IREB2: variants seen among roughly 807,000 people sequenced by gnomAD.
The protein encoded by IREB2 is iron responsive element binding protein 2.
A neutral mutation model predicts 118.8 loss-of-function variants in IREB2; 39 were observed. That is an observed-to-expected ratio of 0.33 (90% confidence interval 0.25 to 0.43). The LOEUF (loss-of-function observed/expected upper bound fraction) is 0.43. IREB2 is among the 20% of genes least tolerant of loss of function. The probability of loss-of-function intolerance (pLI) is 1.00; values close to 1 mark genes in which losing one functional copy is unlikely to be tolerated. For missense variants in IREB2, 900 were observed against 1,147.3 expected, an observed-to-expected ratio of 0.78 and a Z score of 3.11; for synonymous variants, 372 against 392.2, an observed-to-expected ratio of 0.95 and a Z score of 0.61.
intron 2 of IREB2, among the ~76,000 whole-genome samples, chr15:78,444,408 A>G (rs1478177330): frequency 6.6e-6 from 1 of 152,148 alleles, no homozygotes; most frequent in African/African-American, 2.4e-5. Flanking sequence ...TTGAGAGAGT[A>G]CCTGTTACTG....
At chr15:78,490,934 G>A (rs979912835) in intron 18 of IREB2, among the ~76,000 whole-genome samples, 173 bp downstream of exon 18, 1 of 151,828 alleles carries the variant, frequency 6.6e-6, no homozygotes, top group Non-Finnish European at 1.5e-5. Flanking sequence ...GGAGGCGGGG[G>A]GTACCTTCTG....
At chr15:78,449,653 C>T (rs747223225) in intron 2 of IREB2, among the ~76,000 whole-genome samples, 25 of 152,166 alleles carry the variant, frequency 1.6e-4, no homozygotes, top group Admixed American at 2.6e-4. Context: ...AGACATGAAA[C>T]AGAGTTTGTG....
chr15:78,467,290 A>G (rs752057716), intron 5 of IREB2, among the ~76,000 whole-genome samples: 1 of 152,118 alleles, frequency 6.6e-6, no homozygotes, highest in Non-Finnish European at 1.5e-5. Flanking sequence ...CCTTCTAAAT[A>G]AGTGATTTCC....
At position 78,488,274 on chromosome 15, in the gene IREB2, C is replaced by T; in HGVS notation, c.1889C>T (p.Pro630Leu). 1 of 1,610,990 alleles carries T rather than the reference C, an allele frequency of 6.2e-7. No individual in the cohort carries two copies. The highest frequency in any genetic ancestry group is 8.5e-7 in the Non-Finnish European group (1 of 1,179,032). Reference sequence around the variant, plus strand: ...CGTGCCAATTATCTTGCCTCTCCACCCTTAGTGGTAGCTTATGCCATAGCA... The same window carrying T: ...CGTGCCAATTATCTTGCCTCTCCACTCTTAGTGGTAGCTTATGCCATAGCA... The part of the protein sequence containing the change: ...CVRANYLASP[P>L]LVVAYAIAGT... The change falls in exon 15 of 22, where the codon CCC becomes CTC. Residue 630 changes from proline (P) to leucine (L), a missense_variant. Coordinates refer to ENST00000258886, the MANE Select transcript of IREB2 (RefSeq NM_004136.4).
intron 11 of IREB2, 127 bp downstream of exon 11, chr15:78,483,561 C>T: frequency 1.7e-6 from 1 of 581,628 alleles, no homozygotes; most frequent in Non-Finnish European, 3.1e-6. Flanking sequence ...ACCAGCAGCC[C>T]CCTTATTTTC....
chr15:78,448,069 C>A (rs946458579), intron 2 of IREB2, among the ~76,000 whole-genome samples: 1 of 152,238 alleles, frequency 6.6e-6, no homozygotes, highest in African/African-American at 2.4e-5. Context: ...GGTGAAAAAA[C>A]AAAATCTTAT....
chr15:78,468,958 T>C (rs1016253952), intron 5 of IREB2, among the ~76,000 whole-genome samples: 2 of 152,228 alleles, frequency 1.3e-5, no homozygotes, highest in African/African-American at 4.8e-5. Context: ...TTCAAAATCA[T>C]TGATTTCTTT....
chr15:78,466,341 G>T lies in IREB2; in HGVS notation c.481G>T (p.Val161Leu), dbSNP rs768166337. 1 of 1,614,036 alleles carries T rather than the reference G, an allele frequency of 6.2e-7. No individual in the cohort carries two copies. The highest frequency in any genetic ancestry group is 2.2e-5 in the East Asian group (1 of 44,876). Residue 161 changes from valine (V) to leucine (L), a missense_variant, in exon 5 of 22, where the codon GTG becomes TTG. Coordinates refer to ENST00000258886, the MANE Select transcript of IREB2 (RefSeq NM_004136.4). ...AGCAGGAAAGCTCTCTCCACTTAAAGTGCAGCCTAAGAAGCTTCCCTGCAG... is the reference window on the plus strand; with the variant it reads ...AGCAGGAAAGCTCTCTCCACTTAAATTGCAGCCTAAGAAGCTTCCCTGCAG... ...QKAGKLSPLK[V>L]QPKKLPCRGQ...
intron 10 of IREB2, among the ~76,000 whole-genome samples, chr15:78,481,376 T>C (rs533735334): frequency 2.6e-5 from 4 of 151,894 alleles, no homozygotes; most frequent in Admixed American, 2.0e-4. Flanking sequence ...CTTTTTTTTT[T>C]GAGAGAATCT....
intron 3 of IREB2, among the ~76,000 whole-genome samples, chr15:78,464,482 A>C (rs2051248174): frequency 6.6e-6 from 1 of 152,228 alleles, no homozygotes; most frequent in African/African-American, 2.4e-5. Context: ...CCGCATAAGA[A>C]ATAAATGATA....
chr15:78,477,633 A>G (rs2051494124), intron 9 of IREB2, among the ~76,000 whole-genome samples: 1 of 152,174 alleles, frequency 6.6e-6, no homozygotes, highest in Non-Finnish European at 1.5e-5. Flanking sequence ...AAAATTCCTT[A>G]CTGAGGCCAG....
At chr15:78,470,383 A>G in intron 5 of IREB2, 149 bp from the exon 6 acceptor site, 1 of 493,370 alleles carries the variant, frequency 2.0e-6, no homozygotes, top group East Asian at 3.0e-5. Flanking sequence ...GAAAAAGAAA[A>G]TAATTCTGAG....
At chr15:78,468,502 G>A (rs555887238) in intron 5 of IREB2, among the ~76,000 whole-genome samples, 34 of 149,900 alleles carry the variant, frequency 2.3e-4, no homozygotes, top group Middle Eastern at 3.5e-3. Context: ...CCTTGGCCTC[G>A]CAAAGTGCTG....
intron 18 of IREB2, among the ~76,000 whole-genome samples, chr15:78,493,382 G>A (rs148322954): frequency 3.4e-4 from 52 of 152,120 alleles, no homozygotes; most frequent in African/African-American, 1.3e-3. Flanking sequence ...TGCATCCTGT[G>A]AATAATATAT....
chr15:78,442,259 TTTC>T (rs1567160227), intron 2 of IREB2, among the ~76,000 whole-genome samples: 2 of 152,140 alleles, frequency 1.3e-5, no homozygotes, highest in Non-Finnish European at 2.9e-5. Context: ...ACTTAAGTAA[TTTC>T]CTAATAAGGA....
chr15:78,493,931 T>C lies in IREB2; in HGVS notation c.2347T>C (p.Ser783Pro), dbSNP rs1416269020. ...TAGCCTTACCCCTCGTGAATTCAAC[T>C]CTTACGGAGCTCGAAGAGGTAATGA... is the stretch of plus-strand genomic sequence containing the variant. ...NRGLTPREFN[S>P]YGARRGNDAV... Residue 783 changes from serine to proline, a missense_variant, in exon 19 of 22, where the codon TCT (serine) becomes CCT (proline). By Grantham distance (74) the Ser-to-Pro change is moderately conservative. Coordinates refer to ENST00000258886, the MANE Select transcript of IREB2 (RefSeq NM_004136.4). 1 of 1,613,762 alleles carries C rather than the reference T, an allele frequency of 6.2e-7. No individual in the cohort carries two copies. The highest frequency in any genetic ancestry group is 8.5e-7 in the Non-Finnish European group (1 of 1,179,908).
rs1236788596 is a variant in IREB2 at position 78,463,021 on chromosome 15, G to A, written c.206G>A (p.Trp69Ter). ...GAAGATGTTATGAACATTTTAGACT[G>A]GAAAACCAAACAAAGCAATGTTGAA... ...KKEDVMNILD[W>*]KTKQSNVEVP... The change falls in exon 3 of 22, where the codon TGG becomes TAG. Residue 69 changes from tryptophan (W) to a stop codon, truncating the protein, a stop_gained. Transcript: ENST00000258886. LOFTEE classifies it high-confidence loss of function. 2 of 1,612,948 alleles carry A rather than the reference G, an allele frequency of 1.2e-6. No individual in the cohort carries two copies. The highest frequency in any genetic ancestry group is 8.5e-7 in the Non-Finnish European group (1 of 1,179,700).
At chr15:78,452,071 A>C (rs929364784) in intron 2 of IREB2, among the ~76,000 whole-genome samples, 1 of 152,208 alleles carries the variant, frequency 6.6e-6, no homozygotes, top group South Asian at 2.1e-4. Flanking sequence ...CGAAAATCAC[A>C]GTATAGGGTT....
At chr15:78,466,165 T>TCA (rs2051278026) in intron 4 of IREB2, 106 bp from the exon 5 acceptor site, 2 of 642,098 alleles carry the variant, frequency 3.1e-6, no homozygotes, top group Non-Finnish European at 5.3e-6. Context: ...CCTTTAAACA[T>TCA]CATTCAGTTA....
Sources: allele counts gnomAD v4.1 joint callset (sites outside exome capture counted in the v4.1 genomes callset), GRCh38; gene constraint gnomAD v4.1.1; transcripts MANE v1.5; gene names NCBI Gene and HGNC (gene_info 2026-07-23, HGNC 2026-07-21).